Variants in PYY observed in about 807,000 individuals in gnomAD.
PYY encodes peptide YY.
PYY carries 12 observed loss-of-function variants against 10.3 expected under a neutral mutation model. The observed-to-expected ratio is 1.17, with a 90% CI of 0.75 to 1.89. The LOEUF is 1.89. Among genes scored for constraint, PYY ranks in the 40% most tolerant of loss-of-function variants. The pLI is 0.00. For synonymous variants in PYY, 66 were observed against 62.0 expected, an observed-to-expected ratio of 1.06 and a Z score of -0.30; for missense variants, 141 against 134.0, an observed-to-expected ratio of 1.05 and a Z score of -0.26.
intron 1 of PYY, among the ~76,000 whole-genome samples, chr17:43,999,094 AGAG>A (rs1170712681): frequency 4.6e-5 from 7 of 152,160 alleles, no homozygotes; most frequent in Non-Finnish European, 1.0e-4. Context: ...AGCAGGAGAA[AGAG>A]GAGGACCAGG....
At chr17:43,958,845 A>T (rs138265884), upstream of PYY, among the ~76,000 whole-genome samples, 45 of 152,354 alleles carry the variant, frequency 3.0e-4, 1 homozygote, top group African/African-American at 1.0e-3. Flanking sequence ...TGTCATTGTA[A>T]TCATATAATT....
intron 2 of PYY, among the ~76,000 whole-genome samples, chr17:43,964,098 C>T (rs1161393592): frequency 2.0e-5 from 3 of 152,150 alleles, no homozygotes; most frequent in African/African-American, 4.8e-5. Flanking sequence ...CTCTGCCATC[C>T]GGGCTGGAGT....
At chr17:43,965,789 CAAAAAAA>C (rs67609128) in intron 2 of PYY, among the ~76,000 whole-genome samples, 243 of 31,918 alleles carry the variant, frequency 7.6e-3, no homozygotes, top group Admixed American at 0.075. Context: ...ATCCATCTCA[CAAAAAAA>C]AAAAAAAAAA....
Position 43,976,542 on chromosome 17 carries a change from C to T in PYY, c.-462-10010G>A, listed in dbSNP as rs1199798589. Among the ~76,000 whole-genome samples the T allele has an allele frequency of 7.9e-5, 12 of 151,926 alleles. No homozygotes were observed. The East Asian group carries it at 1.4e-3, about 17-fold the overall frequency. ...ATCCCAGCACTTTGGGAGGCTGAGG[C>T]GGGTGGATCACCTGAGGTCAGGAGT... On this transcript the variant is annotated intron_variant, in intron 1 of 6. Transcript: ENST00000360085.
intron 2 of PYY, among the ~76,000 whole-genome samples, chr17:43,960,969 C>T (rs2048708794): frequency 6.6e-6 from 1 of 151,854 alleles, no homozygotes; most frequent in Admixed American, 6.6e-5. Flanking sequence ...CACCTGTAAT[C>T]TCAGCACTTT....
chr17:43,955,912 G>A (rs1041658775), upstream of PYY, among the ~76,000 whole-genome samples: 4 of 151,976 alleles, frequency 2.6e-5, no homozygotes, highest in Non-Finnish European at 5.9e-5. Context: ...GCAGGCTAAC[G>A]GGGGCAAGGA....
At chr17:43,957,778 G>A (rs73986646), upstream of PYY, among the ~76,000 whole-genome samples, 1,653 of 152,284 alleles carry the variant, frequency 0.011, 31 homozygotes, top group African/African-American at 0.037. Context: ...GGGAGACCAC[G>A]TTGGAGGATC....
At chr17:44,002,845 T>C (rs2049038655) in intron 1 of PYY, among the ~76,000 whole-genome samples, 1 of 152,210 alleles carries the variant, frequency 6.6e-6, no homozygotes, top group South Asian at 2.1e-4. Context: ...GCATAGTGCC[T>C]AGCATTCGAC....
At chr17:43,989,770 G>A (rs1160816950) in intron 1 of PYY, among the ~76,000 whole-genome samples, 7 of 124,126 alleles carry the variant, frequency 5.6e-5, no homozygotes, top group Admixed American at 3.0e-4. Flanking sequence ...TCACACCACC[G>A]CACTCCAGCC....
At chr17:43,969,447 C>T (rs962157473) in intron 1 of PYY, among the ~76,000 whole-genome samples, 3 of 139,164 alleles carry the variant, frequency 2.2e-5, no homozygotes, top group African/African-American at 5.3e-5. Flanking sequence ...AACCCAGGAG[C>T]AGAGGTTGCA....
chr17:43,984,334 G>A (rs528907902), intron 1 of PYY, among the ~76,000 whole-genome samples: 1 of 152,274 alleles, frequency 6.6e-6, no homozygotes, highest in Non-Finnish European at 1.5e-5. Context: ...CTCTTGACCT[G>A]GATTCACAGC....
At chr17:43,958,356 G>C (rs1181432652), upstream of PYY, among the ~76,000 whole-genome samples, 2 of 151,472 alleles carry the variant, frequency 1.3e-5, no homozygotes, top group African/African-American at 2.4e-5. Flanking sequence ...GAGATTATAG[G>C]TGTGAGTCAC....
At chr17:43,971,553 G>A (rs1482190761) in intron 1 of PYY, among the ~76,000 whole-genome samples, 2 of 145,638 alleles carry the variant, frequency 1.4e-5, no homozygotes, top group African/African-American at 2.6e-5. Context: ...CTGGGTGACA[G>A]AGCAAGGCTC....
chr17:43,966,096 A>G (rs890088048), intron 2 of PYY, among the ~76,000 whole-genome samples: 2 of 152,200 alleles, frequency 1.3e-5, no homozygotes, highest in African/African-American at 4.8e-5. Context: ...TCTCTCAGTC[A>G]GCTTAAAGTC....
At chr17:43,980,195 A>C (rs1597853360) in intron 1 of PYY, among the ~76,000 whole-genome samples, 1 of 111,838 alleles carries the variant, frequency 8.9e-6, no homozygotes. Context: ...ACAGAGTCTC[A>C]CTCTGTTGCC....
chr17:43,975,706 T>A, intron 1 of PYY, among the ~76,000 whole-genome samples: 1 of 127,996 alleles, frequency 7.8e-6, no homozygotes, highest in Non-Finnish European at 1.6e-5. Flanking sequence ...GTGACAGGAG[T>A]AAGACCCTGA....
intron 1 of PYY, among the ~76,000 whole-genome samples, chr17:43,975,267 G>A (rs1474952388): frequency 6.6e-6 from 1 of 152,152 alleles, no homozygotes; most frequent in Non-Finnish European, 1.5e-5. Flanking sequence ...GGTGGAAAGG[G>A]TATGGATTCC....
In PYY at chr17:43,963,570, AAAAGAAAGAAAG is replaced by A. The variant is rs1162426873; in HGVS notation, c.-218+2706_-218+2717del. ...AAGGGAAGGAAGGAAGGAAGGAAGG[AAAAGAAAGAAAG>A]AAAGAAAGAAAGAAAGAAAGAAAGA... On this transcript the variant is annotated intron_variant, in intron 2 of 6. Coordinates refer to the PYY transcript ENST00000360085. Among the ~76,000 whole-genome samples, 365 of 104,666 alleles carry A rather than the reference AAAAGAAAGAAAG, an allele frequency of 3.5e-3. 1 individual carries two copies. The highest frequency in any genetic ancestry group is 0.025 in the Middle Eastern group (6 of 244). 68.7% of individuals were successfully genotyped at this position (104,666 alleles called of 152,430 possible).
chr17:43,969,878 G>C (rs2048778864), intron 1 of PYY, among the ~76,000 whole-genome samples: 1 of 151,698 alleles, frequency 6.6e-6, no homozygotes, highest in Admixed American at 6.6e-5. Context: ...GAGTAGCTGG[G>C]ATTATAGGTG....
Sources: allele counts gnomAD v4.1 joint callset (sites outside exome capture counted in the v4.1 genomes callset), GRCh38; gene constraint gnomAD v4.1.1; transcripts MANE v1.5; gene names NCBI Gene and HGNC (gene_info 2026-07-23, HGNC 2026-07-21).